NSD1: variants seen among roughly 807,000 people sequenced by gnomAD.
NSD1 encodes the protein nuclear receptor binding SET domain protein 1.
NSD1 carries 26 observed loss-of-function variants against 242.7 expected under a neutral mutation model. That is an observed-to-expected ratio of 0.11 (90% CI 0.08 to 0.15). The LOEUF is 0.15. Among genes scored for constraint, NSD1 ranks in the 10% least tolerant of loss-of-function variants. The probability of loss-of-function intolerance (pLI) is 1.00; values close to 1 mark genes in which losing one functional copy is unlikely to be tolerated. For missense variants in NSD1, 2,495 were observed against 3,272.8 expected (o/e 0.76, Z 5.80); for synonymous variants, 1,106 against 1,178.1 (o/e 0.94, Z 1.25).
intron 3 of NSD1, among the ~76,000 whole-genome samples, chr5:177,199,090 A>G (rs1448494170): frequency 6.6e-6 from 1 of 152,248 alleles, no homozygotes; most frequent in Non-Finnish European, 1.5e-5. Flanking sequence ...AGTTACCTGT[A>G]GAACCATTCT....
chr5:177,132,198 C>T (rs1294934252), upstream of NSD1, among the ~76,000 whole-genome samples: 2 of 152,028 alleles, frequency 1.3e-5, no homozygotes, highest in African/African-American at 4.8e-5. The surrounding 1 kb of genome is among the most constrained non-coding windows in gnomAD (Gnocchi z 7.5). Context: ...CCCGGCGCAG[C>T]TCCGCTGGGG....
chr5:177,140,101 A>G (rs1217871587), intron 2 of NSD1, among the ~76,000 whole-genome samples: 2 of 152,182 alleles, frequency 1.3e-5, no homozygotes, highest in Non-Finnish European at 1.5e-5. Context: ...ACGAATTAGT[A>G]GCCTCTTCAG....
intron 2 of NSD1, among the ~76,000 whole-genome samples, chr5:177,144,504 T>C (rs554116574): frequency 5.4e-4 from 83 of 152,318 alleles, no homozygotes; most frequent in African/African-American, 1.9e-3. Context: ...TGTTTGATAA[T>C]CAGAATAATT....
In NSD1 at chr5:177,296,818, C is replaced by T. The variant is rs1450730585; in HGVS notation, c.*1359C>T. 4.3e-6 allele frequency: 1 copy of T among 233,252 alleles called. No individual in the cohort carries two copies. The highest frequency in any genetic ancestry group is 8.5e-6 in the Non-Finnish European group (1 of 118,094). 14.4% of individuals were successfully genotyped at this position (233,252 alleles called of 1,614,324 possible). The stretch of plus-strand genomic sequence containing the variant: ...ATTCACCCAGCTCACAGACTGCCAA[C>T]AGGAAGTGCTGTTTGGCTAGTTTCC... On this transcript the variant is annotated 3_prime_UTR_variant, in exon 23 of 23. Transcript: ENST00000439151.
Position 177,210,885 on chromosome 5 carries a change from A to G in NSD1, c.2486A>G (p.Lys829Arg), listed in dbSNP as rs1254591737. Residue 829 changes from lysine to arginine, a missense_variant, in exon 5 of 23, where the codon AAA becomes AGA. Physicochemically the swap from Lys to Arg is conservative, Grantham distance 26 (BLOSUM62 2). This residue lies in a region of NSD1 where 121 missense variants were observed against 167.2 expected (regional missense o/e 0.72). Coordinates refer to ENST00000439151, the MANE Select transcript of NSD1 (RefSeq NM_022455.5). The stretch of plus-strand genomic sequence containing the variant: ...GGCTCTCCTTTGGCCAGCATTTCTA[A>G]AAGTGGGAAAGTGGATGGTCTAAAA... Reference protein sequence around the residue: ...TKGSPLASISKSGKVDGLKLL... With the variant: ...TKGSPLASISRSGKVDGLKLL... 3.7e-6 allele frequency: 6 copies of G among 1,614,072 alleles called. No individual in the cohort carries two copies. Among genetic ancestry groups the G allele is most frequent in the Non-Finnish European group, 4.2e-6 (5 of 1,180,044 alleles).
rs1760315239 is a variant in NSD1 at position 177,297,308 on chromosome 5, T to G, written c.*1849T>G. On this transcript the variant is annotated 3_prime_UTR_variant, in exon 23 of 23. Coordinates refer to ENST00000439151, the MANE Select transcript of NSD1 (RefSeq NM_022455.5). Reference sequence around the variant, plus strand: ...ACATCATCAAAGAGGAAAAGCTCTTTGTTCAAAAGGAAGAGAAAACGTAAA... The same window carrying G: ...ACATCATCAAAGAGGAAAAGCTCTTGGTTCAAAAGGAAGAGAAAACGTAAA... The G allele has an allele frequency of 4.3e-6, 1 of 231,390 alleles. No individual in the cohort carries two copies. The highest frequency in any genetic ancestry group is 5.6e-5 in the Admixed American group (1 of 17,732). 14.3% of individuals were successfully genotyped at this position (231,390 alleles called of 1,614,324 possible). A position where few individuals can be genotyped will look rare whatever the true frequency, so the allele number is the denominator to read the frequency against.
chr5:177,275,520 GC>G (rs1454607381), intron 17 of NSD1, among the ~76,000 whole-genome samples: 1 of 127,102 alleles, frequency 7.9e-6, no homozygotes, highest in African/African-American at 3.0e-5. Flanking sequence ...TGCAAGCTCT[GC>G]CTCCCGGGTT....
At position 177,293,534 on chromosome 5, in the gene NSD1, GC is replaced by G. The variant is rs149890561; in HGVS notation, c.6464-290del. Among the ~76,000 whole-genome samples the G allele has an allele frequency of 1.1e-4, 9 of 78,606 alleles. No homozygotes were observed. The South Asian group carries it at 2.2e-3, about 19-fold the overall frequency. 51.6% of individuals were successfully genotyped at this position (78,606 alleles called of 152,430 possible). A position where few individuals can be genotyped will look rare whatever the true frequency, so the allele number is the denominator to read the frequency against. ...GAAACTTTTTGTTGTCCCCACCCCC[GC>G]CCCCCCCTCACCTCCTTGCTGGAAA... On this transcript the variant is annotated intron_variant, in intron 22 of 22. Transcript: ENST00000439151.
intron 2 of NSD1, among the ~76,000 whole-genome samples, chr5:177,166,288 C>G (rs544590392): frequency 6.6e-6 from 1 of 152,020 alleles, no homozygotes; most frequent in African/African-American, 2.4e-5. Flanking sequence ...TGGCTTATGC[C>G]TATAATCCTA....
At chr5:177,246,577 T>TA in intron 9 of NSD1, 101 bp from the exon 10 acceptor site, 1 of 811,638 alleles carries the variant, frequency 1.2e-6, no homozygotes, top group Non-Finnish European at 2.2e-6. Flanking sequence ...AGCTGGAGAA[T>TA]TAAATGAGTT....
Position 177,296,968 on chromosome 5 carries a change from C to T in NSD1, c.*1509C>T. ...GCCATTATCTCTTAGTTATGGCTTTCACGCTCTCAATAGGATTCTGTATTT... is the reference window on the plus strand; with the variant it reads ...GCCATTATCTCTTAGTTATGGCTTTTACGCTCTCAATAGGATTCTGTATTT... On this transcript the variant is annotated 3_prime_UTR_variant, in exon 23 of 23. Coordinates refer to ENST00000439151, the MANE Select transcript of NSD1 (RefSeq NM_022455.5). 4.3e-6 allele frequency: 1 copy of T among 233,344 alleles called. No individual in the cohort carries two copies. The highest frequency in any genetic ancestry group is 8.5e-6 in the Non-Finnish European group (1 of 118,056). The allele number at this position is 233,344 out of a possible 1,614,324, so 14.5% of individuals were successfully genotyped here. A position where few individuals can be genotyped will look rare whatever the true frequency, so the allele number is the denominator to read the frequency against.
In NSD1 at chr5:177,210,359, C is replaced by A; in HGVS notation, c.1960C>A (p.His654Asn). 3 of 1,614,144 alleles carry A rather than the reference C, an allele frequency of 1.9e-6. No homozygotes were observed. The highest frequency in any genetic ancestry group is 1.7e-6 in the Non-Finnish European group (2 of 1,180,022). Residue 654 changes from histidine to asparagine, a missense_variant, in exon 5 of 23, where the codon CAC (histidine) becomes AAC (asparagine). Physicochemically the swap from His to Asn is moderately conservative, Grantham distance 68. Around this residue, in one of 19 missense-constraint regions of NSD1, gnomAD observed 515 missense variants for 467.0 expected, o/e 1.10. Transcript: ENST00000439151. Reference sequence around the variant, plus strand: ...AAGCAGTGACCTGGATCCCATAGAACACAGCTCAGAGTCTGATAACAGTGT... The same window carrying A: ...AAGCAGTGACCTGGATCCCATAGAAAACAGCTCAGAGTCTGATAACAGTGT... ...DGSSDLDPIEHSSESDNSVLE... is the reference protein window; with the variant it reads ...DGSSDLDPIENSSESDNSVLE...
chr5:177,158,302 TTTTC>T (rs1482556005), intron 2 of NSD1, among the ~76,000 whole-genome samples: 18 of 124,072 alleles, frequency 1.5e-4, no homozygotes, highest in African/African-American at 2.7e-4. Flanking sequence ...TCTTTCTTTC[TTTTC>T]TTTCTTTTCT....
chr5:177,285,563 CAAAAAA>C (rs772293606), intron 20 of NSD1, among the ~76,000 whole-genome samples: 28 of 81,912 alleles, frequency 3.4e-4, no homozygotes, highest in Middle Eastern at 7.9e-3. Context: ...GATTCCATCT[CAAAAAA>C]AAAAAAAAAA....
chr5:177,251,530 G>T (rs1755961409), intron 11 of NSD1, among the ~76,000 whole-genome samples, 200 bp from the exon 12 acceptor site: 1 of 152,254 alleles, frequency 6.6e-6, no homozygotes, highest in African/African-American at 2.4e-5. Context: ...ATGAATACCT[G>T]ATTTTAGCTT....
intron 16 of NSD1, among the ~76,000 whole-genome samples, chr5:177,270,779 G>A (rs1389023707): frequency 3.3e-5 from 5 of 152,194 alleles, no homozygotes; most frequent in African/African-American, 4.8e-5. Context: ...GAGTAATGTC[G>A]ATAGGGAACA....
At chr5:177,216,548 A>G (rs977886570) in intron 5 of NSD1, among the ~76,000 whole-genome samples, 1 of 152,028 alleles carries the variant, frequency 6.6e-6, no homozygotes. Context: ...GTTCTTCAGC[A>G]TGTGCATATC....
rs1337830770 is a variant in NSD1, at chr5:177,297,586, G to A, written c.*2127G>A. On this transcript the variant is annotated 3_prime_UTR_variant, in exon 23 of 23. Transcript: ENST00000439151. ...CAGAAAAAGGTATCTGCACTGCACT[G>A]TCAGAGTCTCCTTTCACTATGTTGT... 6 of 213,568 alleles carry A rather than the reference G, an allele frequency of 2.8e-5. No homozygotes were observed. Among genetic ancestry groups the A allele is most frequent in the African/African-American group, 9.7e-5 (4 of 41,412 alleles). 13.2% of individuals were successfully genotyped at this position (213,568 alleles called of 1,614,324 possible).
intron 10 of NSD1, among the ~76,000 whole-genome samples, 179 bp downstream of exon 10, chr5:177,246,975 A>G (rs1303120036): frequency 1.3e-5 from 2 of 152,226 alleles, no homozygotes; most frequent in Non-Finnish European, 2.9e-5. Flanking sequence ...CAAGGCATGT[A>G]TTGCAGCTGT....
Sources: gnomAD v4.1 joint callset for allele counts (sites outside exome capture counted in the v4.1 genomes callset) on GRCh38, gnomAD v4.1.1 for gene constraint, gnomAD v4.1.1 regional missense constraint, Gnocchi (gnomAD v3.1) non-coding constraint, MANE v1.5 for transcripts, NCBI Gene and HGNC (gene_info 2026-07-23, HGNC 2026-07-21) for gene names.